PRDM11: variants seen among roughly 807,000 people sequenced by gnomAD.
PRDM11 encodes PR domain-containing protein 11.
In PRDM11, 20 loss-of-function variants were observed where a neutral mutation model predicts 97.8. That is an observed-to-expected ratio of 0.20 (90% CI 0.14 to 0.30). The LOEUF (loss-of-function observed/expected upper bound fraction) is 0.30, where lower values mean the gene tolerates loss of function less well. Ranked by LOEUF, PRDM11 falls within the 10% of genes least tolerant of loss-of-function variation. The pLI is 1.00. For synonymous variants in PRDM11, 599 were observed against 637.7 expected, an observed-to-expected ratio of 0.94 and a Z score of 0.91; for missense variants, 1,139 against 1,555.2, an observed-to-expected ratio of 0.73 and a Z score of 4.50.
intron 1 of PRDM11, among the ~76,000 whole-genome samples, chr11:45,115,170 T>C (rs964117013): frequency 4.0e-5 from 6 of 151,874 alleles, no homozygotes; most frequent in African/African-American, 1.2e-4. Context: ...TGTATGTCTA[T>C]ATATATATAA....
intron 5 of PRDM11, among the ~76,000 whole-genome samples, chr11:45,211,498 G>A (rs1319161639): frequency 6.6e-6 from 1 of 151,898 alleles, no homozygotes; most frequent in Non-Finnish European, 1.5e-5. Flanking sequence ...CCCTCCCTGT[G>A]TCCGGCTGCA....
intron 1 of PRDM11, among the ~76,000 whole-genome samples, chr11:45,114,057 A>G (rs563554574): frequency 2.6e-5 from 4 of 152,110 alleles, no homozygotes; most frequent in African/African-American, 9.6e-5. Context: ...ACTATGTTGA[A>G]TAGAAGTGGT....
At chr11:45,181,958 C>T in intron 2 of PRDM11, 73 bp downstream of exon 2, 5 of 1,367,646 alleles carry the variant, frequency 3.7e-6, no homozygotes, top group Non-Finnish European at 5.0e-6. Context: ...TGGTTGGGAA[C>T]CCTGGGAAAC....
chr11:45,106,100 T>C (rs1852057119), intron 1 of PRDM11, among the ~76,000 whole-genome samples: 1 of 152,154 alleles, frequency 6.6e-6, no homozygotes, highest in Non-Finnish European at 1.5e-5. Flanking sequence ...TTCCCCCACC[T>C]GAGAGAGCAC....
At chr11:45,217,311 T>C (rs1853984327) in intron 5 of PRDM11, among the ~76,000 whole-genome samples, 1 of 152,180 alleles carries the variant, frequency 6.6e-6, no homozygotes, top group Non-Finnish European at 1.5e-5. Flanking sequence ...TCTTTTCCTT[T>C]CTCTTAAGTC....
At chr11:45,162,200 G>A (rs978577468) in intron 1 of PRDM11, among the ~76,000 whole-genome samples, 1 of 152,166 alleles carries the variant, frequency 6.6e-6, no homozygotes, top group African/African-American at 2.4e-5. Context: ...GCAGAGGGTG[G>A]CTGCTTCAGC....
At chr11:45,197,764 C>T (rs1329522007) in intron 4 of PRDM11, among the ~76,000 whole-genome samples, 1 of 151,964 alleles carries the variant, frequency 6.6e-6, no homozygotes, top group Non-Finnish European at 1.5e-5. Flanking sequence ...AGCAAACTAT[C>T]GCAAGGACAG....
intron 1 of PRDM11, among the ~76,000 whole-genome samples, chr11:45,132,127 A>G (rs571045008): frequency 6.6e-6 from 1 of 152,350 alleles, no homozygotes; most frequent in Non-Finnish European, 1.5e-5. Flanking sequence ...AACTATTCAC[A>G]GAAAAGGGAA....
Position 45,101,567 on chromosome 11 carries a change from A to AAAAAAAG in PRDM11, c.96+5668_96+5669insAAAAGAA, listed in dbSNP as rs767802218. Among the ~76,000 whole-genome samples the AAAAAAAG allele has an allele frequency of 1.5e-3, 149 of 96,864 alleles. 13 individuals are homozygous for AAAAAAAG. Among genetic ancestry groups the AAAAAAAG allele is most frequent in the African/African-American group, 6.8e-3 (140 of 20,550 alleles). 63.5% of individuals were successfully genotyped at this position (96,864 alleles called of 152,430 possible). A position where few individuals can be genotyped will look rare whatever the true frequency, so the allele number is the denominator to read the frequency against. On this transcript the variant is annotated intron_variant, in intron 1 of 6. Coordinates refer to the PRDM11 transcript ENST00000530656. ...CAACACTCTGTCTCAAAAAAAAAAA[A>AAAAAAAG]AAGAAGAAGAAGAAGAAGAAGAAGA...
chr11:45,153,354 G>A lies in PRDM11; in HGVS notation c.-7+6477G>A, dbSNP rs945282124. Among the ~76,000 whole-genome samples, 11 of 152,378 alleles carry A rather than the reference G, an allele frequency of 7.2e-5. No individual in the cohort carries two copies. In the East Asian group the frequency reaches 1.2e-3, roughly 16 times the overall value. ...AGTCCTGCTTCTGGCACCAGATAGCGGTGAGATCTGAGCAGGAGGCTGTCC... is the reference window on the plus strand; with the variant it reads ...AGTCCTGCTTCTGGCACCAGATAGCAGTGAGATCTGAGCAGGAGGCTGTCC... On this transcript the variant is annotated intron_variant, in intron 1 of 7. Transcript: ENST00000683152.
rs1055833325 is a variant in PRDM11 at position 45,229,012 on chromosome 11, G to A, written c.*853G>A. 3.3e-5 allele frequency: 5 copies of A among 152,142 alleles called. No homozygotes were observed. Among genetic ancestry groups the A allele is most frequent in the Admixed American group, 1.3e-4 (2 of 15,284 alleles). 9.4% of individuals were successfully genotyped at this position (152,142 alleles called of 1,614,324 possible). On this transcript the variant is annotated 3_prime_UTR_variant, in exon 8 of 8. Transcript: ENST00000683152. Reference sequence around the variant, plus strand: ...TTTAGCATTCCTGTTTTTACGAGGTGGAGGATAAAACAATATAATTCCATT... The same window carrying A: ...TTTAGCATTCCTGTTTTTACGAGGTAGAGGATAAAACAATATAATTCCATT...
chr11:45,227,357 A>T lies in PRDM11; in HGVS notation c.2732A>T (p.Lys911Met). ...CTGCTGGTGTCCCAGGTGGATGACA[A>T]GATCGAGGAGGCCATCCAGGAGATC... ...EYLLVSQVDD[K>M]IEEAIQEISR... The change falls in exon 8 of 8, where the codon AAG (lysine) becomes ATG (methionine). Residue 911 changes from lysine (K) to methionine (M), a missense_variant. Lys to Met is a moderately conservative substitution (Grantham distance 95, BLOSUM62 -1). This residue lies in a region of PRDM11 where 710 missense variants were observed against 1,044.9 expected (regional missense o/e 0.68). Coordinates refer to ENST00000683152, the MANE Select transcript of PRDM11 (RefSeq NM_001384648.1). This position sits in a 1 kb window ranked among gnomAD's most constrained non-coding sequence, Gnocchi z 8.0. The T allele has an allele frequency of 2.6e-6, 4 of 1,533,944 alleles. No individual in the cohort carries two copies. The highest frequency in any genetic ancestry group is 3.5e-6 in the Non-Finnish European group (4 of 1,146,728).
intron 1 of PRDM11, among the ~76,000 whole-genome samples, chr11:45,153,043 G>C (rs184417611): frequency 1.7e-4 from 26 of 152,362 alleles, no homozygotes; most frequent in African/African-American, 6.3e-4. Flanking sequence ...TGAGGTAGGA[G>C]AGGATGAAGG....
intron 1 of PRDM11, among the ~76,000 whole-genome samples, chr11:45,157,435 G>A (rs1290811392): frequency 6.6e-6 from 1 of 152,140 alleles, no homozygotes; most frequent in Non-Finnish European, 1.5e-5. Context: ...AGGCGTTAAT[G>A]CTTGCTAGCT....
intron 1 of PRDM11, among the ~76,000 whole-genome samples, chr11:45,137,076 T>C (rs1010077642): frequency 2.0e-5 from 3 of 151,088 alleles, no homozygotes; most frequent in African/African-American, 7.3e-5. Context: ...GGCAGGAGAA[T>C]TTCTTGAACC....
chr11:45,196,581 G>A (rs1018692769), intron 4 of PRDM11, among the ~76,000 whole-genome samples: 4 of 152,176 alleles, frequency 2.6e-5, no homozygotes, highest in Non-Finnish European at 4.4e-5. Flanking sequence ...ACTAAGAGAT[G>A]GGATTGAGGC....
upstream of PRDM11, among the ~76,000 whole-genome samples, chr11:45,094,243 G>A (rs1474862377): frequency 6.6e-6 from 1 of 152,174 alleles, no homozygotes; most frequent in East Asian, 1.9e-4. Flanking sequence ...ACAGGGTAGT[G>A]GGTGGCAGGT....
Position 45,146,835 on chromosome 11 carries a change from C to T in PRDM11, c.-49C>T, listed in dbSNP as rs1432051800. On this transcript the variant is annotated 5_prime_UTR_variant, in exon 1 of 8. Transcript: ENST00000683152. ...CCGCCGAGCCGCCCGCCGGGCCGCT[C>T]TCGCCGCCCGGGCCCCGCGGCTGCC... 6.8e-6 allele frequency: 1 copy of T among 146,360 alleles called. No homozygotes were observed. Among genetic ancestry groups the T allele is most frequent in the Non-Finnish European group, 1.5e-5 (1 of 65,782 alleles). 9.1% of individuals were successfully genotyped at this position (146,360 alleles called of 1,614,324 possible).
chr11:45,123,665 C>T (rs1191999568), intron 1 of PRDM11, among the ~76,000 whole-genome samples: 1 of 150,394 alleles, frequency 6.6e-6, no homozygotes, highest in Non-Finnish European at 1.5e-5. Flanking sequence ...AGATATGCAG[C>T]ATTATTTCTG....
Sources: allele counts gnomAD v4.1 joint callset (sites outside exome capture counted in the v4.1 genomes callset), GRCh38; gene constraint gnomAD v4.1.1; regional missense constraint gnomAD v4.1.1; non-coding constraint Gnocchi (gnomAD v3.1); transcripts MANE v1.5; gene names NCBI Gene and HGNC (gene_info 2026-07-23, HGNC 2026-07-21).